AFAP1: variants seen among roughly 807,000 people sequenced by gnomAD.
AFAP1 encodes the protein actin filament associated protein 1, also known as actin filament-associated protein 1.
Under a neutral mutation model 93.9 loss-of-function variants are expected in AFAP1, and 75 were observed. That is an observed-to-expected ratio of 0.80 (90% CI 0.66 to 0.97). The LOEUF is 0.97. Ranked by LOEUF, AFAP1 falls within the 50% of genes least tolerant of loss-of-function variation. The probability of loss-of-function intolerance (pLI) is 0.00; values close to 1 mark genes in which losing one functional copy is unlikely to be tolerated. For synonymous variants in AFAP1, 517 were observed against 430.7 expected (o/e 1.20, Z -2.48); for missense variants, 1,201 against 1,050.8 (o/e 1.14, Z -1.98).
rs1577163601 is a variant in AFAP1, at chr4:7,763,607, T to C, written c.*158A>G. 2 of 708,180 alleles carry C rather than the reference T, an allele frequency of 2.8e-6. No individual in the cohort carries two copies. Among genetic ancestry groups the C allele is most frequent in the Non-Finnish European group, 4.6e-6 (2 of 439,352 alleles). 43.9% of individuals were successfully genotyped at this position (708,180 alleles called of 1,614,324 possible). On this transcript the variant is annotated 3_prime_UTR_variant, in exon 18 of 18. Transcript: ENST00000420658. ...CATTTTACAGTAGAAAGAATACAAG[T>C]GGGCCTGGGGGACAGGCACTGGCCT...
At chr4:7,826,714 A>G (rs1352554006) in intron 6 of AFAP1, among the ~76,000 whole-genome samples, 3 of 152,192 alleles carry the variant, frequency 2.0e-5, no homozygotes, top group East Asian at 3.9e-4. Context: ...GGGGAGTGAG[A>G]GTGAGGCAAG....
chr4:7,883,523 G>A (rs1223364524), intron 1 of AFAP1, among the ~76,000 whole-genome samples: 2 of 152,086 alleles, frequency 1.3e-5, no homozygotes, highest in East Asian at 1.9e-4. Context: ...TAACACTGTA[G>A]GAGAAGTGTT....
intron 1 of AFAP1, among the ~76,000 whole-genome samples, chr4:7,906,227 T>C (rs1719393624): frequency 6.6e-6 from 1 of 152,166 alleles, no homozygotes; most frequent in South Asian, 2.1e-4. Context: ...ATTCACCCTA[T>C]GACCTCGCTG....
chr4:7,886,790 G>C (rs1229134213), intron 1 of AFAP1, among the ~76,000 whole-genome samples: 1 of 152,206 alleles, frequency 6.6e-6, no homozygotes, highest in Non-Finnish European at 1.5e-5. Flanking sequence ...CTGATGCCTA[G>C]GCTGGGAGAA....
Position 7,759,341 on chromosome 4 carries a change from T to A in AFAP1, c.*4424A>T, listed in dbSNP as rs1227688960. On this transcript the variant is annotated 3_prime_UTR_variant, in exon 18 of 18. Coordinates refer to ENST00000420658, the MANE Select transcript of AFAP1 (RefSeq NM_001134647.2). Reference sequence around the variant, plus strand: ...CTGGAAGACCAAAGCCGGAACTATTTCATGAACTACGGGCGAAAGGATGCG... The same window carrying A: ...CTGGAAGACCAAAGCCGGAACTATTACATGAACTACGGGCGAAAGGATGCG... The A allele has an allele frequency of 1.3e-5, 2 of 152,666 alleles. No homozygotes were observed. Among genetic ancestry groups the A allele is most frequent in the Admixed American group, 1.3e-4 (2 of 15,288 alleles). 9.5% of individuals were successfully genotyped at this position (152,666 alleles called of 1,614,324 possible).
At chr4:7,889,708 A>AC (rs973910784) in intron 1 of AFAP1, among the ~76,000 whole-genome samples, 1 of 150,576 alleles carries the variant, frequency 6.6e-6, no homozygotes, top group African/African-American at 2.4e-5. Flanking sequence ...TTTTTTTAAA[A>AC]AAAGAACAAT....
intron 17 of AFAP1, among the ~76,000 whole-genome samples, chr4:7,767,988 A>C (rs1714851321): frequency 6.6e-6 from 1 of 152,244 alleles, no homozygotes; most frequent in South Asian, 2.1e-4. Context: ...AGGTGGGAGG[A>C]TCACCTGAGC....
intron 2 of AFAP1, among the ~76,000 whole-genome samples, chr4:7,871,433 G>C (rs527880537): frequency 6.6e-6 from 1 of 151,522 alleles, no homozygotes; most frequent in African/African-American, 2.4e-5. Flanking sequence ...TAAAAACCCT[G>C]GACACCGAGT....
rs372748113 is a variant in AFAP1 at position 7,877,409 on chromosome 4, A to G, written c.-2-5329T>C. ...AATAAGAACTCCTGTGTCAGCTTTT[A>G]GTCTGCTTTTCTTTAAGCAAATCCT... On this transcript the variant is annotated intron_variant, in intron 1 of 17. Coordinates refer to ENST00000420658, the MANE Select transcript of AFAP1 (RefSeq NM_001134647.2). 2.6e-5 allele frequency among the ~76,000 whole-genome samples: 4 copies of G among 152,238 alleles called. No homozygotes were observed. In the East Asian group the frequency reaches 7.7e-4, roughly 29 times the overall value.
intron 12 of AFAP1, among the ~76,000 whole-genome samples, chr4:7,783,725 T>A (rs1257191394): frequency 6.6e-6 from 1 of 152,218 alleles, no homozygotes; most frequent in Non-Finnish European, 1.5e-5. Flanking sequence ...CATAAAAGTC[T>A]GAATAAAACG....
At chr4:7,818,984 C>T in intron 7 of AFAP1, 92 bp downstream of exon 7, 1 of 1,224,404 alleles carries the variant, frequency 8.2e-7, no homozygotes, top group Non-Finnish European at 1.1e-6. Flanking sequence ...ACTGGAAGCG[C>T]TGAAATTCTC....
intron 4 of AFAP1, among the ~76,000 whole-genome samples, chr4:7,854,269 C>G (rs1215840253): frequency 6.6e-6 from 1 of 152,184 alleles, no homozygotes; most frequent in African/African-American, 2.4e-5. Flanking sequence ...ACCACCTTAT[C>G]AGAACTATCC....
chr4:7,847,812 G>C (rs1263692359), intron 4 of AFAP1, among the ~76,000 whole-genome samples: 1 of 147,022 alleles, frequency 6.8e-6, no homozygotes, highest in African/African-American at 2.6e-5. Flanking sequence ...GCATTGATTA[G>C]ATACCATCAG....
intron 6 of AFAP1, among the ~76,000 whole-genome samples, chr4:7,835,397 G>A (rs1712179520): frequency 1.0e-4 from 11 of 106,572 alleles, no homozygotes; most frequent in African/African-American, 3.8e-4. Context: ...TACCTGGGTG[G>A]CTCTTGAATG....
intron 3 of AFAP1, among the ~76,000 whole-genome samples, chr4:7,859,050 G>A (rs530298303): frequency 6.6e-6 from 1 of 152,348 alleles, no homozygotes; most frequent in South Asian, 2.1e-4. Context: ...CCCAGTCCGT[G>A]CACATGCCCC....
intron 3 of AFAP1, among the ~76,000 whole-genome samples, chr4:7,865,084 T>C (rs1716250275): frequency 6.6e-6 from 1 of 152,088 alleles, no homozygotes; most frequent in African/African-American, 2.4e-5. Flanking sequence ...AATTCTAAAC[T>C]CAGATTGTGT....
At chr4:7,938,322 G>C (rs909379206) in intron 1 of AFAP1, among the ~76,000 whole-genome samples, 3 of 152,196 alleles carry the variant, frequency 2.0e-5, no homozygotes, top group African/African-American at 7.2e-5. Flanking sequence ...ACTTCAGGTT[G>C]GGTATTTGGA....
At chr4:7,893,623 A>G (rs1023164302) in intron 1 of AFAP1, among the ~76,000 whole-genome samples, 2 of 151,056 alleles carry the variant, frequency 1.3e-5, no homozygotes, top group Non-Finnish European at 2.9e-5. Context: ...AGGATTTTCA[A>G]AAAGTACTTT....
intron 6 of AFAP1, among the ~76,000 whole-genome samples, chr4:7,821,277 T>C (rs1720951082): frequency 6.6e-6 from 1 of 152,208 alleles, no homozygotes; most frequent in South Asian, 2.1e-4. Flanking sequence ...AGATCCGCTA[T>C]GGAAGAAGTC....
Sources: gnomAD v4.1 joint callset for allele counts (sites outside exome capture counted in the v4.1 genomes callset) on GRCh38, gnomAD v4.1.1 for gene constraint, MANE v1.5 for transcripts, NCBI Gene and HGNC (gene_info 2026-07-23, HGNC 2026-07-21) for gene names.